Variants in LINGO2 observed in about 807,000 individuals in gnomAD.
LINGO2 encodes leucine rich repeat and Ig domain containing 2.
A neutral mutation model predicts 30.6 loss-of-function variants in LINGO2; 14 were observed. The observed-to-expected ratio is 0.46, with a 90% CI of 0.30 to 0.72. The LOEUF is 0.72. Ranked by LOEUF, LINGO2 falls within the 30% of genes least tolerant of loss-of-function variation. LINGO2 has a pLI of 0.07. For synonymous variants in LINGO2, 317 were observed against 288.5 expected (o/e 1.10, Z -1.00); for missense variants, 729 against 751.7 (o/e 0.97, Z 0.35).
At chr9:28,274,188 T>A (rs578054621) in intron 4 of LINGO2, among the ~76,000 whole-genome samples, 1 of 152,186 alleles carries the variant, frequency 6.6e-6, no homozygotes. Context: ...TCTAACCATA[T>A]CAAAATAATG....
intron 1 of LINGO2, among the ~76,000 whole-genome samples, chr9:28,659,907 A>G (rs962190790): frequency 6.6e-6 from 1 of 152,188 alleles, no homozygotes; most frequent in Non-Finnish European, 1.5e-5. Flanking sequence ...ACAAACAAAA[A>G]TTGAGCTTTT....
intron 1 of LINGO2, among the ~76,000 whole-genome samples, chr9:28,631,883 T>C (rs1297279100): frequency 6.6e-6 from 1 of 152,130 alleles, no homozygotes; most frequent in Admixed American, 6.6e-5. Context: ...AATTAATCCA[T>C]CCAACAAATA....
chr9:28,158,091 C>A (rs1402273180), intron 4 of LINGO2, among the ~76,000 whole-genome samples: 2 of 152,110 alleles, frequency 1.3e-5, no homozygotes, highest in East Asian at 3.9e-4. Flanking sequence ...TATATTAGTC[C>A]ATTTTCATGC....
the LINGO2 span, among the ~76,000 whole-genome samples, chr9:28,834,250 C>A: frequency 2.0e-5 from 3 of 152,130 alleles, no homozygotes; most frequent in Non-Finnish European, 4.4e-5. Flanking sequence ...CAAAGAGAAA[C>A]TGAACCCAGG....
At chr9:28,433,941 CTCTCTCTCTATATA>C (rs1481017760) in intron 2 of LINGO2, among the ~76,000 whole-genome samples, 7 of 49,632 alleles carry the variant, frequency 1.4e-4, no homozygotes, top group Admixed American at 8.8e-4. Flanking sequence ...CTCTCTCTCT[CTCTCTCTCTATATA>C]TATATATATA....
the LINGO2 span, among the ~76,000 whole-genome samples, chr9:28,728,246 C>T: frequency 6.6e-6 from 1 of 152,238 alleles, no homozygotes; most frequent in Admixed American, 6.5e-5. Context: ...ACAACCCCCT[C>T]CCCTTCACTG....
chr9:28,632,874 ATATAT>A lies in LINGO2; in HGVS notation c.-365+37321_-365+37325del, dbSNP rs1563879150. ...ATATTTTTTATATATATATATATAT[ATATAT>A]GTAGAGAGAGAGAGAGAGAGAGAGA... On this transcript the variant is annotated intron_variant, in intron 1 of 5. Transcript: ENST00000379992. Among the ~76,000 whole-genome samples the A allele has an allele frequency of 4.1e-3, 377 of 93,004 alleles. 13 individuals are homozygous for A. The highest frequency in any genetic ancestry group is 0.022 in the South Asian group (64 of 2,924). 61.0% of individuals were successfully genotyped at this position (93,004 alleles called of 152,430 possible). A position where few individuals can be genotyped will look rare whatever the true frequency, so the allele number is the denominator to read the frequency against.
At chr9:28,777,194 C>T in the LINGO2 span, among the ~76,000 whole-genome samples, 3 of 152,048 alleles carry the variant, frequency 2.0e-5, no homozygotes, top group East Asian at 3.9e-4. Flanking sequence ...GACCCAGTCT[C>T]GGGTAGCTCT....
chr9:28,817,236 A>AC, the LINGO2 span, among the ~76,000 whole-genome samples: 2 of 123,178 alleles, frequency 1.6e-5, no homozygotes, highest in African/African-American at 5.2e-5. Flanking sequence ...TTGACTTAAG[A>AC]TAAAAAAAAA....
chr9:28,177,975 A>T (rs935454168), intron 4 of LINGO2, among the ~76,000 whole-genome samples: 1 of 152,094 alleles, frequency 6.6e-6, no homozygotes, highest in Non-Finnish European at 1.5e-5. Context: ...AGACCTTCCA[A>T]CCTCCACCAA....
Position 28,623,627 on chromosome 9 carries a change from G to C in LINGO2, c.-365+46573C>G, listed in dbSNP as rs74743997. Among the ~76,000 whole-genome samples, 7 of 152,092 alleles carry C rather than the reference G, an allele frequency of 4.6e-5. No homozygotes were observed. In the East Asian group the frequency reaches 1.4e-3, roughly 29 times the overall value. On this transcript the variant is annotated intron_variant, in intron 1 of 5. Transcript: ENST00000379992. ...GTAGTGTAATTTAAAGTTAGGTATTGTAATTCCTCCCGTTTTGTTCTTTTT... is the reference window on the plus strand; with the variant it reads ...GTAGTGTAATTTAAAGTTAGGTATTCTAATTCCTCCCGTTTTGTTCTTTTT...
chr9:27,985,375 G>T (rs1821076600), intron 5 of LINGO2, among the ~76,000 whole-genome samples: 3 of 151,996 alleles, frequency 2.0e-5, no homozygotes, highest in South Asian at 4.1e-4. Context: ...CAACATAAAA[G>T]GTTAGGATAT....
At chr9:28,411,061 A>G (rs1822741574) in intron 2 of LINGO2, among the ~76,000 whole-genome samples, 1 of 152,132 alleles carries the variant, frequency 6.6e-6, no homozygotes, top group South Asian at 2.1e-4. Context: ...ACAAATTCTT[A>G]AGACAAGCTA....
chr9:28,540,055 G>C (rs1347689581), intron 1 of LINGO2, among the ~76,000 whole-genome samples: 1 of 152,044 alleles, frequency 6.6e-6, no homozygotes, highest in African/African-American at 2.4e-5. Flanking sequence ...AGTGGTGTGG[G>C]GATGAGGGAG....
At chr9:29,146,123 A>G in the LINGO2 span, among the ~76,000 whole-genome samples, 1 of 152,178 alleles carries the variant, frequency 6.6e-6, no homozygotes. Flanking sequence ...GCTGCACTAG[A>G]GTATCACTTG....
At chr9:28,055,756 G>T (rs1824905924) in intron 4 of LINGO2, among the ~76,000 whole-genome samples, 1 of 152,154 alleles carries the variant, frequency 6.6e-6, no homozygotes, top group Admixed American at 6.6e-5. Context: ...TCTCTTGGAA[G>T]TTTAAGTAGT....
In LINGO2 at chr9:28,223,471, C is replaced by T. The variant is rs73447937; in HGVS notation, c.-87+71737G>A. Among the ~76,000 whole-genome samples the T allele has an allele frequency of 1.9e-3, 297 of 152,340 alleles. 1 individual carries two copies. Among genetic ancestry groups the T allele is most frequent in the African/African-American group, 6.8e-3 (284 of 41,586 alleles). The stretch of plus-strand genomic sequence containing the variant: ...ACTTCTTAAAGGCCCCACATCTTAA[C>T]AGAGTTACACTGGCCATTAAGTTTC... On this transcript the variant is annotated intron_variant, in intron 4 of 5. Transcript: ENST00000379992.
At chr9:28,964,153 A>G in the LINGO2 span, among the ~76,000 whole-genome samples, 2 of 151,830 alleles carry the variant, frequency 1.3e-5, no homozygotes, top group African/African-American at 4.8e-5. Context: ...CTGTATAAGG[A>G]GCTTATATTT....
rs566285130 is a variant in LINGO2 at position 28,167,623 on chromosome 9, G to C, written c.-87+127585C>G. 3.3e-5 allele frequency among the ~76,000 whole-genome samples: 5 copies of C among 152,324 alleles called. No individual in the cohort carries two copies. In the South Asian group the frequency reaches 1.0e-3, roughly 32 times the overall value. On this transcript the variant is annotated intron_variant, in intron 4 of 5. Transcript: ENST00000379992. ...GCTGGCCTGGAACCCCTGTGCTCAA[G>C]TAGTATGCCCCCTTTGGCCTCCCAG...
Sources: gnomAD v4.1 joint callset for allele counts (sites outside exome capture counted in the v4.1 genomes callset) on GRCh38, gnomAD v4.1.1 for gene constraint, MANE v1.5 for transcripts, NCBI Gene and HGNC (gene_info 2026-07-23, HGNC 2026-07-21) for gene names.